ZNF638: variants seen among roughly 807,000 people sequenced by gnomAD.
ZNF638 encodes the protein zinc finger protein 638.
A neutral mutation model predicts 195.6 loss-of-function variants in ZNF638; 46 were observed. The observed-to-expected ratio is 0.24, with a 90% confidence interval of 0.19 to 0.30. The LOEUF (loss-of-function observed/expected upper bound fraction) is 0.30. Ranked by LOEUF, ZNF638 falls within the 10% of genes least tolerant of loss-of-function variation. ZNF638 has a pLI of 1.00. For synonymous variants in ZNF638, 845 were observed against 772.0 expected (o/e 1.09, Z -1.57); for missense variants, 2,440 against 2,325.3 (o/e 1.05, Z -1.01).
At position 71,348,937 on chromosome 2, in the gene ZNF638, G is replaced by A. The variant is rs1178326253; in HGVS notation, c.-18G>A. On this transcript the variant is annotated 5_prime_UTR_variant, in exon 2 of 28. Transcript: ENST00000264447. ...ACCACCTTATACTTTATTAAATCAG[G>A]CTTTCTTGAAAATAGCCATGTCGAG... 4 of 1,614,070 alleles carry A rather than the reference G, an allele frequency of 2.5e-6. No homozygotes were observed. Among genetic ancestry groups the A allele is most frequent in the Non-Finnish European group, 3.4e-6 (4 of 1,180,014 alleles).
chr2:71,378,870 G>A (rs1167023449), intron 8 of ZNF638, among the ~76,000 whole-genome samples: 5 of 152,212 alleles, frequency 3.3e-5, no homozygotes, highest in Admixed American at 2.0e-4. Context: ...GCATCTTAGA[G>A]GAGTAGAAAG....
At position 71,427,229 on chromosome 2, in the gene ZNF638, A is replaced by G. The variant is rs1375144426; in HGVS notation, c.5360A>G (p.Asp1787Gly). 2.5e-6 allele frequency: 4 copies of G among 1,612,668 alleles called. No individual in the cohort carries two copies. Among genetic ancestry groups the G allele is most frequent in the East Asian group, 2.2e-5 (1 of 44,870 alleles). Reference protein sequence around the residue: ...VDEVGEEEDGDNDLKVELAQS... With the variant: ...VDEVGEEEDGGNDLKVELAQS... ...GAAGTTGGAGAGGAGGAAGATGGAG[A>G]TAATGATTTAAAAGTTGAGTTAGCA... is the stretch of plus-strand genomic sequence containing the variant. Residue 1787 changes from aspartate (D) to glycine (G), a missense_variant, in exon 24 of 28, where the codon GAT becomes GGT. This residue lies in a region of ZNF638 where 1,883 missense variants were observed against 1,739.1 expected (regional missense o/e 1.08). Coordinates refer to ENST00000264447, the MANE Select transcript of ZNF638 (RefSeq NM_014497.5).
intron 1 of ZNF638, among the ~76,000 whole-genome samples, chr2:71,346,027 C>T (rs1420676884): frequency 6.6e-6 from 1 of 152,168 alleles, no homozygotes; most frequent in Non-Finnish European, 1.5e-5. Context: ...TTAGGAAATA[C>T]ACAGTACATT....
intron 10 of ZNF638, among the ~76,000 whole-genome samples, chr2:71,383,766 T>C (rs1370623099): frequency 2.2e-5 from 3 of 135,582 alleles, no homozygotes; most frequent in Non-Finnish European, 4.7e-5. Context: ...CTTTTTCTTT[T>C]TTTTTTTTTT....
chr2:71,361,391 A>G (rs2079107161), intron 3 of ZNF638, among the ~76,000 whole-genome samples: 1 of 152,246 alleles, frequency 6.6e-6, no homozygotes, highest in South Asian at 2.1e-4. Context: ...TAAGGCTTAC[A>G]CATTCTAAGT....
At chr2:71,433,716 A>T (rs944226564) in intron 27 of ZNF638, 1 of 155,226 alleles carries the variant, frequency 6.4e-6, no homozygotes, top group African/African-American at 2.4e-5. Flanking sequence ...CTGGAGAATC[A>T]TCATTAACCA....
intron 16 of ZNF638, among the ~76,000 whole-genome samples, chr2:71,402,770 T>C (rs1190673095): frequency 6.6e-6 from 1 of 152,166 alleles, no homozygotes. Context: ...TTTCAGGAAA[T>C]AGTTTAAATC....
intron 1 of ZNF638, among the ~76,000 whole-genome samples, chr2:71,341,465 C>G (rs1362434619): frequency 6.6e-6 from 1 of 151,942 alleles, no homozygotes; most frequent in Non-Finnish European, 1.5e-5. Context: ...CCCCACCCCC[C>G]CATCATGCGT....
chr2:71,419,735 T>C lies in ZNF638; in HGVS notation c.3299+1096T>C, dbSNP rs114512047. Among the ~76,000 whole-genome samples the C allele has an allele frequency of 6.2e-3, 947 of 152,242 alleles. 6 individuals are homozygous for C. The highest frequency in any genetic ancestry group is 0.02 in the African/African-American group (828 of 41,538). Reference sequence around the variant, plus strand: ...AGTACTATATATATAGACCTAAAGATTGGCCACGTTAACTCTGTGGCAAAA... The same window carrying C: ...AGTACTATATATATAGACCTAAAGACTGGCCACGTTAACTCTGTGGCAAAA... On this transcript the variant is annotated intron_variant, in intron 21 of 27. Coordinates refer to ENST00000264447, the MANE Select transcript of ZNF638 (RefSeq NM_014497.5).
At chr2:71,431,272 T>A (rs1363845197) in intron 25 of ZNF638, 55 bp from the exon 26 acceptor site, 1 of 1,480,558 alleles carries the variant, frequency 6.8e-7, no homozygotes, top group Non-Finnish European at 9.3e-7. Context: ...CAATGTTAAC[T>A]TTACAAAGTC....
At chr2:71,401,886 C>A in intron 15 of ZNF638, 70 bp from the exon 16 acceptor site, 1 of 1,328,490 alleles carries the variant, frequency 7.5e-7, no homozygotes, top group Non-Finnish European at 1.0e-6. Flanking sequence ...TAACATGATA[C>A]ACAGTATAAA....
intron 1 of ZNF638, among the ~76,000 whole-genome samples, chr2:71,336,322 AT>A (rs2078666741): frequency 7.1e-6 from 1 of 141,378 alleles, no homozygotes; most frequent in African/African-American, 2.6e-5. Context: ...GTGAGCCGAG[AT>A]TTGCGCCCTT....
At position 71,349,337 on chromosome 2, in the gene ZNF638, G is replaced by C. The variant is rs747880058; in HGVS notation, c.383G>C (p.Ser128Thr). 9 of 1,614,056 alleles carry C rather than the reference G, an allele frequency of 5.6e-6. No individual in the cohort carries two copies. Among genetic ancestry groups the C allele is most frequent in the Non-Finnish European group, 7.6e-6 (9 of 1,180,044 alleles). Reference sequence around the variant, plus strand: ...TCTGTAACACAGGTTACAGAGCAGAGTCCCAAAGTACAGAGCCGCTATACA... The same window carrying C: ...TCTGTAACACAGGTTACAGAGCAGACTCCCAAAGTACAGAGCCGCTATACA... ...QSSVTQVTEQSPKVQSRYTKE... is the reference protein window; with the variant it reads ...QSSVTQVTEQTPKVQSRYTKE... Residue 128 changes from serine (S) to threonine (T), a missense_variant, in exon 2 of 28, where the codon AGT (serine) becomes ACT (threonine). This residue lies in a region of ZNF638 where 191 missense variants were observed against 173.8 expected (regional missense o/e 1.10). Transcript: ENST00000264447.
At chr2:71,425,266 T>G (rs992869654) in intron 23 of ZNF638, among the ~76,000 whole-genome samples, 5 of 152,314 alleles carry the variant, frequency 3.3e-5, no homozygotes, top group African/African-American at 1.2e-4. Flanking sequence ...GGGATAGATT[T>G]GGGCCTATGT....
chr2:71,356,756 TCTAGCCTGGGCGA>T (rs2079029821), intron 3 of ZNF638, among the ~76,000 whole-genome samples: 1 of 151,998 alleles, frequency 6.6e-6, no homozygotes, highest in African/African-American at 2.4e-5. Flanking sequence ...GCCACTGCAC[TCTAGCCTGGGCGA>T]CAGCCTGTTT....
chr2:71,356,389 C>T (rs1169068794), intron 3 of ZNF638, among the ~76,000 whole-genome samples: 1 of 152,184 alleles, frequency 6.6e-6, no homozygotes, highest in Non-Finnish European at 1.5e-5. Flanking sequence ...AAATTAAACT[C>T]TGTCTTCCCT....
chr2:71,422,786 C>T (rs956895395), intron 21 of ZNF638, 28 bp from the exon 22 acceptor site: 2 of 1,578,516 alleles, frequency 1.3e-6, no homozygotes, highest in Non-Finnish European at 1.7e-6. Context: ...TGTTTGTGTT[C>T]TTTTTGTTTG....
chr2:71,393,159 A>G (rs1423658331), intron 10 of ZNF638, among the ~76,000 whole-genome samples: 1 of 150,444 alleles, frequency 6.6e-6, no homozygotes, highest in African/African-American at 2.4e-5. Flanking sequence ...TCAGAAAACA[A>G]AAAGGGGAAA....
In ZNF638 at chr2:71,427,018, G is replaced by T; in HGVS notation, c.5149G>T (p.Asp1717Tyr). The change falls in exon 24 of 28, where the codon GAT (aspartate) becomes TAT (tyrosine). Residue 1717 changes from aspartate to tyrosine, a missense_variant. Asp to Tyr is a radical substitution (Grantham distance 160, BLOSUM62 -3). Coordinates refer to ENST00000264447, the MANE Select transcript of ZNF638 (RefSeq NM_014497.5). ...TKGNEGDTVR[D>Y]SIGFISSQVP... The stretch of plus-strand genomic sequence containing the variant: ...AGGAAATGAAGGAGATACTGTAAGG[G>T]ATTCCATTGGCTTCATTTCTTCTCA... 3 of 1,613,404 alleles carry T rather than the reference G, an allele frequency of 1.9e-6. No homozygotes were observed. Among genetic ancestry groups the T allele is most frequent in the Non-Finnish European group, 2.5e-6 (3 of 1,179,752 alleles).
Sources: allele counts gnomAD v4.1 joint callset (sites outside exome capture counted in the v4.1 genomes callset), GRCh38; gene constraint gnomAD v4.1.1; regional missense constraint gnomAD v4.1.1; transcripts MANE v1.5; gene names NCBI Gene and HGNC (gene_info 2026-07-23, HGNC 2026-07-21).